The following ADAMTS7 variants were observed in gnomAD, a reference collection of about 807,000 sequenced individuals.
The protein encoded by ADAMTS7 is ADAM metallopeptidase with thrombospondin type 1 motif 7.
In ADAMTS7, 89 loss-of-function variants were observed where a neutral mutation model predicts 172.6. The ratio of observed to expected loss-of-function variants is 0.52; its 90% CI spans 0.43 to 0.61. The LOEUF (loss-of-function observed/expected upper bound fraction) is 0.61. Among genes scored for constraint, ADAMTS7 ranks in the 20% least tolerant of loss-of-function variants. ADAMTS7 has a pLI of 0.00. For missense variants in ADAMTS7, 1,973 were observed against 2,355.6 expected, an observed-to-expected ratio of 0.84 and a Z score of 3.36; for synonymous variants, 885 against 978.4, an observed-to-expected ratio of 0.90 and a Z score of 1.78.
intron 23 of ADAMTS7, among the ~76,000 whole-genome samples, chr15:78,761,162 A>T (rs1445461044): frequency 6.6e-6 from 1 of 152,206 alleles, no homozygotes; most frequent in South Asian, 2.1e-4. Context: ...AAGACCACCC[A>T]TGCCAGAGGC....
At chr15:78,773,529 G>C (rs933257787) in intron 13 of ADAMTS7, among the ~76,000 whole-genome samples, 1 of 151,940 alleles carries the variant, frequency 6.6e-6, no homozygotes, top group Admixed American at 6.5e-5. Flanking sequence ...CCTGAGCAGC[G>C]CGTGCAGGGA....
rs778019101 is a variant in ADAMTS7, at chr15:78,762,392, A to G, written c.4903+11T>C. 5 of 1,441,482 alleles carry G rather than the reference A, an allele frequency of 3.5e-6. No homozygotes were observed. The African/African-American group carries it at 7.3e-5, about 21-fold the overall frequency. The allele number at this position is 1,441,482 out of a possible 1,614,324, so 89.3% of individuals were successfully genotyped here. ...TCACTTCAGCAGGGAGCCTGGGGTC[A>G]GGGGACTCACGGGGAGGCTCGACGG... On this transcript the variant is annotated intron_variant, in intron 23 of 23. Transcript: ENST00000388820.
chr15:78,776,400 G>A (rs1232447289), intron 10 of ADAMTS7, 67 bp from the exon 11 acceptor site: 1 of 1,552,860 alleles, frequency 6.4e-7, no homozygotes, highest in Non-Finnish European at 8.7e-7. Context: ...ACCCTAGTGA[G>A]AACAAGGTGG....
chr15:78,805,030 C>A (rs2055770818), intron 1 of ADAMTS7, among the ~76,000 whole-genome samples: 1 of 152,204 alleles, frequency 6.6e-6, no homozygotes, highest in Non-Finnish European at 1.5e-5. Flanking sequence ...ACTGCAGATG[C>A]CCAGGACCCA....
intron 8 of ADAMTS7, among the ~76,000 whole-genome samples, chr15:78,779,360 A>ACG (rs2055398390): frequency 1.3e-5 from 2 of 152,102 alleles, no homozygotes; most frequent in African/African-American, 4.8e-5. Context: ...CAGGGCCCAT[A>ACG]GGTCACTGGC....
intron 11 of ADAMTS7, among the ~76,000 whole-genome samples, chr15:78,775,565 G>A (rs573412272): frequency 6.0e-5 from 9 of 149,648 alleles, no homozygotes; most frequent in African/African-American, 1.7e-4. Flanking sequence ...CCACCCCCCC[G>A]TTTAGATGGG....
chr15:78,776,805 T>C lies in ADAMTS7; in HGVS notation c.1504A>G (p.Thr502Ala), dbSNP rs775156929. Residue 502 changes from threonine (T) to alanine (A), a missense_variant, in exon 10 of 24, where the codon ACC becomes GCC. Thr to Ala is a moderately conservative substitution (Grantham distance 58, BLOSUM62 0). Coordinates refer to ENST00000388820, the MANE Select transcript of ADAMTS7 (RefSeq NM_014272.5). ...CHTLWCSVGT[T>A]CHSKLDAAVD... ...GCTGCATCCAGCTTGGAGTGACAGG[T>C]GGTCCCCACAGAGCACCAGAGTGTG... 48 of 1,551,176 alleles carry C rather than the reference T, an allele frequency of 3.1e-5. No individual in the cohort carries two copies. The South Asian group carries it at 5.5e-4, about 18-fold the overall frequency.
intron 1 of ADAMTS7, among the ~76,000 whole-genome samples, chr15:78,806,123 CACACAAAAAAAAA>C (rs2055789917): frequency 4.0e-4 from 8 of 20,114 alleles, no homozygotes; most frequent in Non-Finnish European, 6.3e-4. Flanking sequence ...CACACACACA[CACACAAAAAAAAA>C]AAAAAAAAAA....
intron 22 of ADAMTS7, among the ~76,000 whole-genome samples, chr15:78,763,010 C>T (rs1165355347): frequency 2.6e-5 from 4 of 152,206 alleles, no homozygotes; most frequent in South Asian, 2.1e-4. Flanking sequence ...GGGCCCAGCC[C>T]GCCAGGCTTC....
Position 78,764,538 on chromosome 15 carries a change from G to T in ADAMTS7, c.4419+17C>A. 8.5e-6 allele frequency: 13 copies of T among 1,537,968 alleles called. No individual in the cohort carries two copies. Among genetic ancestry groups the T allele is most frequent in the Non-Finnish European group, 1.1e-5 (13 of 1,148,952 alleles). ...CCATGCCCTGGGAATGCCTGTCCTG[G>T]CTCCATCCTCACGCACCTTACTCCA... On this transcript the variant is annotated intron_variant, in intron 20 of 23. Coordinates refer to ENST00000388820, the MANE Select transcript of ADAMTS7 (RefSeq NM_014272.5).
chr15:78,763,854 G>A lies in ADAMTS7; in HGVS notation c.4594-9C>T, dbSNP rs776582671. 7 of 1,581,122 alleles carry A rather than the reference G, an allele frequency of 4.4e-6. No individual in the cohort carries two copies. Among genetic ancestry groups the A allele is most frequent in the Non-Finnish European group, 6.0e-6 (7 of 1,167,612 alleles). On this transcript the variant is annotated splice_polypyrimidine_tract_variant and intron_variant, in intron 21 of 23. Transcript: ENST00000388820. ...CCACAGGCCTCGGAGCACTGGGTGG[G>A]CAGGGAAGGAGTCAGGGCACAGCCA... is the stretch of plus-strand genomic sequence containing the variant.
rs1221250503 is a variant in ADAMTS7 at position 78,800,288 on chromosome 15, G to A, written c.360C>T (p.His120=). 5.0e-6 allele frequency: 8 copies of A among 1,592,666 alleles called. No homozygotes were observed. The highest frequency in any genetic ancestry group is 6.8e-6 in the Non-Finnish European group (8 of 1,175,212). Residue 120 remains histidine (H), a synonymous_variant, in exon 2 of 24, where the codon CAC becomes CAT. Transcript: ENST00000388820. ...GGCAGGCCGGGGTGTGGGCCCGGAT[G>A]TGCGCGCGGCCCAGGCCGCCGCGCC... ...TRRRGGLGRA[H]IRAHTPACHL... is the part of the protein sequence containing the mutation.
rs550912581 is a variant in ADAMTS7, at chr15:78,759,591, G to A, written c.4904-13C>T. On this transcript the variant is annotated splice_polypyrimidine_tract_variant and intron_variant, in intron 23 of 23. Transcript: ENST00000388820. ...TCCCGCTCACAGCCTGGAGTGGGGG[G>A]GCAGAGAGGCATCAGAACCAGTAGC... The A allele has an allele frequency of 7.3e-5, 115 of 1,568,664 alleles. 1 individual carries two copies. Among genetic ancestry groups the A allele is most frequent in the South Asian group, 4.3e-4 (37 of 86,862 alleles).
intron 8 of ADAMTS7, 39 bp downstream of exon 8, chr15:78,788,192 A>C (rs756017026): frequency 3.1e-6 from 5 of 1,608,954 alleles, no homozygotes; most frequent in Middle Eastern, 3.9e-4. Flanking sequence ...CCTTGACCTC[A>C]TGGATCAAGG....
chr15:78,760,440 T>C (rs1237190534), intron 23 of ADAMTS7, among the ~76,000 whole-genome samples: 2 of 151,858 alleles, frequency 1.3e-5, no homozygotes, highest in African/African-American at 2.4e-5. Flanking sequence ...GCCTGGGACA[T>C]CCCCCAGGCC....
rs1183545424 is a variant in ADAMTS7, at chr15:78,764,115, C to A, written c.4420-16G>T. On this transcript the variant is annotated splice_polypyrimidine_tract_variant and intron_variant, in intron 20 of 23. Transcript: ENST00000388820. ...TGCGGGAGCACTGGGGACCGAGAGA[C>A]GTGTATGGACACATCCCCATGTGCA... is the stretch of plus-strand genomic sequence containing the variant. 1 of 1,507,976 alleles carries A rather than the reference C, an allele frequency of 6.6e-7. No homozygotes were observed. The highest frequency in any genetic ancestry group is 8.9e-7 in the Non-Finnish European group (1 of 1,123,334). The allele number at this position is 1,507,976 out of a possible 1,614,324, so 93.4% of individuals were successfully genotyped here.
chr15:78,763,917 A>C lies in ADAMTS7; in HGVS notation c.4593+9T>G. The C allele has an allele frequency of 1.9e-6, 3 of 1,553,170 alleles. No individual in the cohort carries two copies. Among genetic ancestry groups the C allele is most frequent in the Non-Finnish European group, 2.6e-6 (3 of 1,149,642 alleles). ...GTCCCCTCCCCCCAACTCAACGGCC[A>C]GGCCTCACCTCCCTCCAGGAAGATG... On this transcript the variant is annotated intron_variant, in intron 21 of 23. Transcript: ENST00000388820.
intron 10 of ADAMTS7, 72 bp downstream of exon 10, chr15:78,776,676 AC>A: frequency 7.1e-7 from 1 of 1,405,828 alleles, no homozygotes; most frequent in Non-Finnish European, 9.8e-7. Context: ...GCCGGGGCTG[AC>A]CCCAGGGCCT....
rs1353567489 is a variant in ADAMTS7, at chr15:78,799,461, G to A, written c.456+731C>T. ...CCCTTCAGCCAGGCGAAGCCAGGAA[G>A]CTGAGACCTGCTTTTCCTGGAGTTC... On this transcript the variant is annotated intron_variant, in intron 2 of 23. Transcript: ENST00000388820. Among the ~76,000 whole-genome samples the A allele has an allele frequency of 2.3e-5, 3 of 129,898 alleles. 1 individual carries two copies. The highest frequency in any genetic ancestry group is 2.3e-4 in the Admixed American group (3 of 13,164). 85.2% of individuals were successfully genotyped at this position (129,898 alleles called of 152,430 possible). A position where few individuals can be genotyped will look rare whatever the true frequency, so the allele number is the denominator to read the frequency against.
Sources: allele counts gnomAD v4.1 joint callset (sites outside exome capture counted in the v4.1 genomes callset), GRCh38; gene constraint gnomAD v4.1.1; transcripts MANE v1.5; gene names NCBI Gene and HGNC (gene_info 2026-07-23, HGNC 2026-07-21).